The following TRPC3 variants were observed in gnomAD, a reference collection of about 807,000 sequenced individuals.
The protein encoded by TRPC3 is transient receptor potential cation channel subfamily C member 3.
TRPC3 carries 54 observed loss-of-function variants against 90.9 expected under a neutral mutation model. The ratio of observed to expected loss-of-function variants is 0.59; its 90% confidence interval spans 0.48 to 0.75. The LOEUF (loss-of-function observed/expected upper bound fraction) is 0.75. Among genes scored for constraint, TRPC3 ranks in the 30% least tolerant of loss-of-function variants. The pLI is 0.00. For synonymous variants in TRPC3, 424 were observed against 450.9 expected, an observed-to-expected ratio of 0.94 and a Z score of 0.75; for missense variants, 918 against 1,194.5, an observed-to-expected ratio of 0.77 and a Z score of 3.41.
At chr4:121,911,012 TACAACTTA>T (rs1466603440) in intron 5 of TRPC3, among the ~76,000 whole-genome samples, 2 of 152,162 alleles carry the variant, frequency 1.3e-5, no homozygotes, top group Non-Finnish European at 2.9e-5. Flanking sequence ...GACAAAATAG[TACAACTTA>T]ACAACTTAAC....
chr4:121,889,571 A>G (rs1728248192), intron 10 of TRPC3, among the ~76,000 whole-genome samples: 1 of 152,172 alleles, frequency 6.6e-6, no homozygotes, highest in Non-Finnish European at 1.5e-5. Context: ...CAGACAAAAA[A>G]TAACAAATGC....
chr4:121,940,519 T>C (rs111394286), intron 1 of TRPC3, among the ~76,000 whole-genome samples: 3,164 of 152,310 alleles, frequency 0.021, 51 homozygotes, highest in Middle Eastern at 0.071. Flanking sequence ...TCCTCTTATG[T>C]TTCCCTCTCT....
At chr4:121,916,765 G>A (rs1004326482) in intron 3 of TRPC3, among the ~76,000 whole-genome samples, 2 of 151,866 alleles carry the variant, frequency 1.3e-5, no homozygotes. Flanking sequence ...CCAGGCTGGA[G>A]TGCAATGGCA....
intron 8 of TRPC3, among the ~76,000 whole-genome samples, chr4:121,903,669 G>C (rs1368446094): frequency 1.3e-5 from 2 of 152,130 alleles, no homozygotes; most frequent in African/African-American, 4.8e-5. Context: ...ATGAAGGGAA[G>C]GGGTCCTTAT....
chr4:121,879,908 T>A (rs745342312), intron 11 of TRPC3, 30 bp from the exon 12 acceptor site: 1 of 1,511,272 alleles, frequency 6.6e-7, no homozygotes, highest in Non-Finnish European at 8.8e-7. Flanking sequence ...AAATTATTGG[T>A]AAGTTGCTCT....
Position 121,932,366 on chromosome 4 carries a change from C to T in TRPC3, c.892G>A (p.Ala298Thr). 1 of 1,614,144 alleles carries T rather than the reference C, an allele frequency of 6.2e-7. No homozygotes were observed. Among genetic ancestry groups the T allele is most frequent in the South Asian group, 1.1e-5 (1 of 91,082 alleles). Residue 298 changes from alanine (A) to threonine (T), a missense_variant, in exon 2 of 12, where the codon GCT becomes ACT. Around this residue, in one of 4 missense-constraint regions of TRPC3, gnomAD observed 609 missense variants for 725.9 expected, o/e 0.84. Transcript: ENST00000379645. This position sits in a 1 kb window ranked among gnomAD's most constrained non-coding sequence, Gnocchi z 7.7. ...TCCTCGCTGGACAATGAGAGGTAAG[C>T]CGGGCTGGCCAGCCCCTTGTAGGCA... ...INAYKGLASP[A>T]YLSLSSEDPV...
intron 10 of TRPC3, among the ~76,000 whole-genome samples, chr4:121,886,478 TA>T (rs1165273992): frequency 6.6e-6 from 1 of 152,194 alleles, no homozygotes; most frequent in Non-Finnish European, 1.5e-5. Flanking sequence ...TGTGAAAGAT[TA>T]CCATTACACA....
intron 10 of TRPC3, among the ~76,000 whole-genome samples, chr4:121,883,758 G>A (rs1039570347): frequency 6.6e-6 from 1 of 152,080 alleles, no homozygotes; most frequent in Non-Finnish European, 1.5e-5. Context: ...AATTTTAGAG[G>A]TGGAGTCTCA....
At chr4:121,889,628 G>A (rs1216729381) in intron 10 of TRPC3, among the ~76,000 whole-genome samples, 1 of 152,148 alleles carries the variant, frequency 6.6e-6, no homozygotes, top group Non-Finnish European at 1.5e-5. Flanking sequence ...TGATAGGAAT[G>A]TAAAATTAGT....
Position 121,932,949 on chromosome 4 carries a change from A to G in TRPC3, c.309T>C (p.Asn103=). 6.2e-7 allele frequency: 1 copy of G among 1,613,764 alleles called. No individual in the cohort carries two copies. The highest frequency in any genetic ancestry group is 8.5e-7 in the Non-Finnish European group (1 of 1,179,878). The change falls in exon 2 of 12, where the codon AAT becomes AAC. Residue 103 remains asparagine (N), a synonymous_variant. Coordinates refer to ENST00000379645, the MANE Select transcript of TRPC3 (RefSeq NM_001130698.2). This position sits in a 1 kb window ranked among gnomAD's most constrained non-coding sequence, Gnocchi z 7.7. The part of the protein sequence containing the change: ...QAVRGPAFMF[N]DRGTSLTAEE... Reference sequence around the variant, plus strand: ...CGGCGGTGAGGCTGGTGCCGCGGTCATTGAACATGAAGGCCGGGCCCCTGA... The same window carrying G: ...CGGCGGTGAGGCTGGTGCCGCGGTCGTTGAACATGAAGGCCGGGCCCCTGA...
At chr4:121,947,778 AAAG>A (rs1470475855) in intron 1 of TRPC3, among the ~76,000 whole-genome samples, 1 of 152,216 alleles carries the variant, frequency 6.6e-6, no homozygotes, top group Non-Finnish European at 1.5e-5. Flanking sequence ...CACTTCCTCT[AAAG>A]AAAAACTAAA....
At position 121,910,171 on chromosome 4, in the gene TRPC3, A is replaced by G; in HGVS notation, c.1775T>C (p.Ile592Thr). ...CAACTTACCATAAGTGAAATACTGT[A>G]TCTCTGGTGGGAGTGTCACTTCACT... is the stretch of plus-strand genomic sequence containing the variant. ...DLSEVTLPPE[I>T]QYFTYARDKW... Residue 592 changes from isoleucine (I) to threonine (T), a missense_variant, in exon 6 of 12, where the codon ATA becomes ACA. By Grantham distance (89) the Ile-to-Thr change is moderately conservative (BLOSUM62 -1). Transcript: ENST00000379645. 1.2e-6 allele frequency: 2 copies of G among 1,613,424 alleles called. No homozygotes were observed. Among genetic ancestry groups the G allele is most frequent in the Non-Finnish European group, 1.7e-6 (2 of 1,179,520 alleles).
intron 1 of TRPC3, among the ~76,000 whole-genome samples, chr4:121,935,904 C>G (rs1418485348): frequency 1.3e-5 from 2 of 152,098 alleles, no homozygotes; most frequent in East Asian, 3.9e-4. Context: ...TCAATATTTC[C>G]TTTGTATTTC....
intron 10 of TRPC3, among the ~76,000 whole-genome samples, chr4:121,892,558 G>C (rs1728365423): frequency 1.3e-5 from 2 of 152,222 alleles, no homozygotes; most frequent in East Asian, 1.9e-4. Context: ...ACCACATTAG[G>C]AACATGAGAG....
At chr4:121,933,130 T>C (rs937209701) in intron 1 of TRPC3, 88 bp from the exon 2 acceptor site, 1 of 1,460,932 alleles carries the variant, frequency 6.8e-7, no homozygotes, top group African/African-American at 1.4e-5. Context: ...GAATACACAC[T>C]ACCCACTGCA....
chr4:121,950,299 T>C (rs1730668105), intron 1 of TRPC3, among the ~76,000 whole-genome samples: 1 of 152,244 alleles, frequency 6.6e-6, no homozygotes, highest in Non-Finnish European at 1.5e-5. Context: ...ATCCTGGGGA[T>C]GCAGGGGTCA....
At chr4:121,950,140 ATAACTGAACCAC>A (rs1730655116) in intron 1 of TRPC3, among the ~76,000 whole-genome samples, 1 of 152,194 alleles carries the variant, frequency 6.6e-6, no homozygotes, top group Admixed American at 6.5e-5. Context: ...ATCTTCAGCA[ATAACTGAACCAC>A]ATCGGGATGC....
In TRPC3 at chr4:121,899,615, A is replaced by T. The variant is rs764499384; in HGVS notation, c.2544T>A (p.Tyr848Ter). 6.2e-7 allele frequency: 1 copy of T among 1,612,968 alleles called. No homozygotes were observed. Among genetic ancestry groups the T allele is most frequent in the South Asian group, 1.1e-5 (1 of 91,038 alleles). ...GATACGTCTAATGAATGCTTACCTGATAACGTGTTGGCTGATTGAGAATGC... is the reference window on the plus strand; with the variant it reads ...GATACGTCTAATGAATGCTTACCTGTTAACGTGTTGGCTGATTGAGAATGC... ...FNSILNQPTR[Y>*]QQIMKRLIKR... is the part of the protein sequence containing the mutation. Residue 848 changes from tyrosine to a stop codon, truncating the protein, a stop_gained, in exon 10 of 12, where the codon TAT (tyrosine) becomes TAA (stop). Coordinates refer to ENST00000379645, the MANE Select transcript of TRPC3 (RefSeq NM_001130698.2). LOFTEE classifies it high-confidence loss of function.
intron 4 of TRPC3, among the ~76,000 whole-genome samples, chr4:121,913,651 T>C (rs1729190262): frequency 6.7e-6 from 1 of 149,062 alleles, no homozygotes; most frequent in African/African-American, 2.4e-5. Context: ...GATATGATTT[T>C]TTTTATTGCA....
Sources: allele counts gnomAD v4.1 joint callset (sites outside exome capture counted in the v4.1 genomes callset), GRCh38; gene constraint gnomAD v4.1.1; regional missense constraint gnomAD v4.1.1; non-coding constraint Gnocchi (gnomAD v3.1); transcripts MANE v1.5; gene names NCBI Gene and HGNC (gene_info 2026-07-23, HGNC 2026-07-21).